Variants in COPG2 observed in about 807,000 individuals in gnomAD.
The protein encoded by COPG2 is coatomer subunit gamma-2.
A neutral mutation model predicts 46.3 loss-of-function variants in COPG2; 37 were observed. That is an observed-to-expected ratio of 0.80 (90% CI 0.61 to 1.05). The LOEUF (loss-of-function observed/expected upper bound fraction) is 1.05, where lower values mean the gene tolerates loss of function less well. COPG2 is among the 50% of genes least tolerant of loss of function. COPG2 has a pLI of 0.00. For synonymous variants in COPG2, 159 were observed against 129.7 expected (o/e 1.23, Z -1.53); for missense variants, 427 against 387.8 (o/e 1.10, Z -0.85).
At chr7:130,596,604 C>T (rs562884087) in intron 9 of COPG2, among the ~76,000 whole-genome samples, 1 of 152,274 alleles carries the variant, frequency 6.6e-6, no homozygotes, top group South Asian at 2.1e-4. Context: ...GGCAGCCAGC[C>T]AAGGGAACAT....
chr7:130,629,115 C>T (rs184326210), intron 5 of COPG2, among the ~76,000 whole-genome samples: 24 of 152,212 alleles, frequency 1.6e-4, no homozygotes, highest in Admixed American at 1.3e-3. Context: ...TGTCTTCTAG[C>T]TTGCATGTTT....
chr7:130,586,361 A>AGT lies in COPG2; in HGVS notation c.738-21970_738-21969dup, dbSNP rs555871477. The stretch of plus-strand genomic sequence containing the variant: ...GGGTTAAAGGCTTCAAATATGGTGG[A>AGT]GTGTATACTGCTCAGGTGATGGGTG... On this transcript the variant is annotated intron_variant, in intron 9 of 23. Transcript: ENST00000425248. Among the ~76,000 whole-genome samples the AGT allele has an allele frequency of 4.9e-3, 747 of 152,202 alleles. 5 individuals are homozygous for AGT. Among genetic ancestry groups the AGT allele is most frequent in the African/African-American group, 0.017 (712 of 41,566 alleles).
chr7:130,629,183 T>A (rs782405034), intron 5 of COPG2, among the ~76,000 whole-genome samples: 16 of 152,146 alleles, frequency 1.1e-4, no homozygotes, highest in Non-Finnish European at 1.3e-4. Context: ...TTGTCCTTTT[T>A]TGGGGGGGGT....
intron 9 of COPG2, among the ~76,000 whole-genome samples, chr7:130,594,182 T>C (rs1215632504): frequency 2.0e-5 from 3 of 152,080 alleles, no homozygotes; most frequent in African/African-American, 4.8e-5. Context: ...CAGAAAAAAG[T>C]TGTCAAACTC....
chr7:130,520,305 A>G (rs1301750626), intron 20 of COPG2, among the ~76,000 whole-genome samples: 1 of 152,202 alleles, frequency 6.6e-6, no homozygotes, highest in African/African-American at 2.4e-5. Context: ...TAAGCAACTG[A>G]GAAGACCTGT....
chr7:130,558,574 A>G (rs1793667568), intron 12 of COPG2, among the ~76,000 whole-genome samples: 1 of 152,188 alleles, frequency 6.6e-6, no homozygotes, highest in Non-Finnish European at 1.5e-5. Flanking sequence ...CCCAGGACAG[A>G]GTGCAATATG....
intron 20 of COPG2, among the ~76,000 whole-genome samples, chr7:130,530,410 A>G (rs915419969): frequency 5.9e-5 from 9 of 152,238 alleles, no homozygotes; most frequent in Admixed American, 3.3e-4. Flanking sequence ...CTTGAGTGGA[A>G]GAAGGGAAGG....
At chr7:130,513,341 A>ATGTGTGTGTG (rs1210290028) in intron 20 of COPG2, among the ~76,000 whole-genome samples, 1 of 51,560 alleles carries the variant, frequency 1.9e-5, no homozygotes, top group Non-Finnish European at 4.5e-5. Flanking sequence ...ATATATATAT[A>ATGTGTGTGTG]TGTGTGTGTG....
rs1421831530 is a variant in COPG2, at chr7:130,506,326, A to T, written c.*350T>A. ...TGGCTTCCCCTCCCCCCTCCCCCCC[A>T]CCCCTCTGGGATAAAAATTTTCCAG... On this transcript the variant is annotated 3_prime_UTR_variant, in exon 24 of 24. Coordinates refer to ENST00000425248, the MANE Select transcript of COPG2 (RefSeq NM_012133.6). 1 of 10,672 alleles carries T rather than the reference A, an allele frequency of 9.4e-5. No homozygotes were observed. The highest frequency in any genetic ancestry group is 8.7e-4 in the Admixed American group (1 of 1,144). 0.7% of individuals were successfully genotyped at this position (10,672 alleles called of 1,614,324 possible). A position where few individuals can be genotyped will look rare whatever the true frequency, so the allele number is the denominator to read the frequency against.
intron 5 of COPG2, among the ~76,000 whole-genome samples, chr7:130,633,212 C>T (rs543632391): frequency 3.3e-5 from 5 of 152,258 alleles, no homozygotes; most frequent in Non-Finnish European, 5.9e-5. Flanking sequence ...CATACATGTG[C>T]ATGTGTCTTT....
At chr7:130,533,011 G>T (rs1799843842) in intron 20 of COPG2, among the ~76,000 whole-genome samples, 1 of 152,246 alleles carries the variant, frequency 6.6e-6, no homozygotes, top group Admixed American at 6.5e-5. Flanking sequence ...AGGCCCAGGA[G>T]CTGGGAGCTT....
At chr7:130,570,266 T>C (rs901448243) in intron 9 of COPG2, among the ~76,000 whole-genome samples, 4 of 152,102 alleles carry the variant, frequency 2.6e-5, no homozygotes, top group Non-Finnish European at 5.9e-5. Context: ...GTTAAACTGT[T>C]GCTGTTCACT....
At chr7:130,656,392 A>G (rs940792917) in intron 4 of COPG2, among the ~76,000 whole-genome samples, 2 of 152,184 alleles carry the variant, frequency 1.3e-5, no homozygotes, top group Non-Finnish European at 2.9e-5. Flanking sequence ...AAGAGACACC[A>G]CTAAGGATTC....
At chr7:130,610,539 AGT>A (rs782390530) in intron 9 of COPG2, 2 of 520,692 alleles carry the variant, frequency 3.8e-6, no homozygotes, top group East Asian at 1.1e-4. Flanking sequence ...AGACTGCTAA[AGT>A]ATATTTGGTC....
chr7:130,605,202 T>C (rs782767867), intron 9 of COPG2: 1 of 520,114 alleles, frequency 1.9e-6, no homozygotes, highest in South Asian at 1.4e-5. Flanking sequence ...ATCTTCAAAT[T>C]CACTAACTCT....
chr7:130,509,259 G>A (rs782427372), intron 20 of COPG2: 3 of 512,738 alleles, frequency 5.9e-6, no homozygotes, highest in South Asian at 4.3e-5. Context: ...AAAGCAAGTG[G>A]GCAGTTGTAT....
intron 9 of COPG2, among the ~76,000 whole-genome samples, chr7:130,588,736 T>G (rs1554448428): frequency 6.6e-6 from 1 of 152,126 alleles, no homozygotes; most frequent in Admixed American, 6.6e-5. Context: ...GCATGGCACA[T>G]GTATACATAT....
At chr7:130,619,866 C>A (rs967172115) in intron 5 of COPG2, among the ~76,000 whole-genome samples, 2 of 152,034 alleles carry the variant, frequency 1.3e-5, no homozygotes, top group African/African-American at 4.8e-5. Flanking sequence ...AGATACTGTC[C>A]CCATTCTTTT....
At chr7:130,627,775 G>C (rs1184684781) in intron 5 of COPG2, among the ~76,000 whole-genome samples, 2 of 143,854 alleles carry the variant, frequency 1.4e-5, no homozygotes, top group Middle Eastern at 3.5e-3. Flanking sequence ...TGCGGGGGGT[G>C]GGGGGTGTGG....
Sources: gnomAD v4.1 joint callset for allele counts (sites outside exome capture counted in the v4.1 genomes callset) on GRCh38, gnomAD v4.1.1 for gene constraint, MANE v1.5 for transcripts, NCBI Gene and HGNC (gene_info 2026-07-23, HGNC 2026-07-21) for gene names.